The following MAPK10 variants were observed in gnomAD, a reference collection of about 807,000 sequenced individuals.
The protein encoded by MAPK10 is JNK3 alpha protein kinase.
A neutral mutation model predicts 59.3 loss-of-function variants in MAPK10; 25 were observed. That is an observed-to-expected ratio of 0.42 (90% CI 0.31 to 0.59). MAPK10 has a LOEUF of 0.59. Among genes scored for constraint, MAPK10 ranks in the 20% least tolerant of loss-of-function variants. The pLI is 0.15. For synonymous variants in MAPK10, 190 were observed against 200.5 expected, an observed-to-expected ratio of 0.95 and a Z score of 0.44; for missense variants, 351 against 568.9, an observed-to-expected ratio of 0.62 and a Z score of 3.90.
chr4:86,273,315 C>T (rs1024038339), intron 2 of MAPK10, among the ~76,000 whole-genome samples: 2 of 152,004 alleles, frequency 1.3e-5, no homozygotes, highest in South Asian at 2.1e-4. Flanking sequence ...AAAAGCCACA[C>T]CTGTTAGCTA....
chr4:86,559,776 TA>T (rs1760532955), intron 1 of MAPK10, among the ~76,000 whole-genome samples: 1 of 151,856 alleles, frequency 6.6e-6, no homozygotes, highest in South Asian at 2.1e-4. Context: ...CCGTCTCTAC[TA>T]AAAATACAAA....
chr4:86,173,185 A>G (rs1464112708), intron 3 of MAPK10, among the ~76,000 whole-genome samples: 1 of 152,204 alleles, frequency 6.6e-6, no homozygotes, highest in Non-Finnish European at 1.5e-5. Context: ...CAAAGAGAAC[A>G]AAACTGGAGG....
chr4:86,478,811 C>T (rs1422539807), intron 1 of MAPK10, among the ~76,000 whole-genome samples: 1 of 152,160 alleles, frequency 6.6e-6, no homozygotes, highest in African/African-American at 2.4e-5. Context: ...CGCAACACAC[C>T]AGCAAAGGCA....
chr4:86,049,063 T>TTTAC (rs2043039946), intron 11 of MAPK10, among the ~76,000 whole-genome samples: 1 of 152,094 alleles, frequency 6.6e-6, no homozygotes, highest in Non-Finnish European at 1.5e-5. Context: ...GTGTACCACA[T>TTTAC]TTACATATGA....
chr4:86,140,711 A>G (rs2063457939), intron 4 of MAPK10, among the ~76,000 whole-genome samples: 1 of 152,118 alleles, frequency 6.6e-6, no homozygotes. Flanking sequence ...AAGGAAATTT[A>G]TGTATGCATT....
At chr4:86,397,777 A>C (rs1743132019) in intron 1 of MAPK10, among the ~76,000 whole-genome samples, 1 of 151,010 alleles carries the variant, frequency 6.6e-6, no homozygotes, top group African/African-American at 2.4e-5. Context: ...CTGATATCCA[A>C]TGATAAGGAA....
intron 4 of MAPK10, among the ~76,000 whole-genome samples, chr4:86,142,435 T>C (rs1581178105): frequency 6.6e-6 from 1 of 152,192 alleles, no homozygotes; most frequent in Admixed American, 6.5e-5. Context: ...TCATCATTCA[T>C]TCATTCATTC....
chr4:86,074,993 C>G (rs1305181782), intron 9 of MAPK10, among the ~76,000 whole-genome samples: 1 of 146,520 alleles, frequency 6.8e-6, no homozygotes, highest in Non-Finnish European at 1.5e-5. Context: ...GAGTGTTTTC[C>G]AACTTGGTTC....
chr4:86,361,004 C>A (rs1736848752), upstream of MAPK10, among the ~76,000 whole-genome samples: 1 of 152,102 alleles, frequency 6.6e-6, no homozygotes, highest in Non-Finnish European at 1.5e-5. Flanking sequence ...TTTGCTTACA[C>A]TCTTTTGAGG....
At chr4:86,401,592 T>C (rs1472674210) in intron 1 of MAPK10, among the ~76,000 whole-genome samples, 2 of 152,194 alleles carry the variant, frequency 1.3e-5, no homozygotes, top group Non-Finnish European at 2.9e-5. Context: ...TGTTTCTCTT[T>C]TTACTTTGGC....
At chr4:86,059,186 C>G (rs1434263559) in intron 11 of MAPK10, among the ~76,000 whole-genome samples, 1 of 152,084 alleles carries the variant, frequency 6.6e-6, no homozygotes, top group Admixed American at 6.6e-5. Context: ...TGGTAATATC[C>G]AGTAAGATAT....
chr4:86,101,990 C>A lies in MAPK10; in HGVS notation c.468G>T (p.Val156=), dbSNP rs747499050. The change falls in exon 7 of 14, where the codon GTG becomes GTT. Residue 156 remains valine (V), a synonymous_variant. Coordinates refer to ENST00000641462, the MANE Select transcript of MAPK10 (RefSeq NM_138982.4). Reference sequence around the variant, plus strand: ...GCTCATGGTCTAATTCCATCTGAATCACTTGACATAAGTTGGCATCCATCA... The same window carrying A: ...GCTCATGGTCTAATTCCATCTGAATAACTTGACATAAGTTGGCATCCATCA... The part of the protein sequence containing the change: ...MELMDANLCQ[V]IQMELDHERM... 6.2e-7 allele frequency: 1 copy of A among 1,613,860 alleles called. No individual in the cohort carries two copies. The highest frequency in any genetic ancestry group is 8.5e-7 in the Non-Finnish European group (1 of 1,179,836).
chr4:86,111,190 C>T (rs1361048634), intron 4 of MAPK10, among the ~76,000 whole-genome samples: 2 of 152,152 alleles, frequency 1.3e-5, no homozygotes, highest in Non-Finnish European at 2.9e-5. Context: ...ATTTGATTTC[C>T]TCTCTTCTTA....
chr4:86,158,152 AC>A (rs1424284947), intron 4 of MAPK10, among the ~76,000 whole-genome samples: 1 of 151,960 alleles, frequency 6.6e-6, no homozygotes, highest in Non-Finnish European at 1.5e-5. Context: ...AGCCATTTAA[AC>A]ACAAACTTTA....
At chr4:86,580,533 C>T (rs1565073240) in intron 1 of MAPK10, among the ~76,000 whole-genome samples, 1 of 152,038 alleles carries the variant, frequency 6.6e-6, no homozygotes, top group Non-Finnish European at 1.5e-5. Context: ...TCTTAATGTT[C>T]TTACTTTGCC....
chr4:86,338,970 T>C (rs1723240843), intron 2 of MAPK10, among the ~76,000 whole-genome samples: 1 of 67,418 alleles, frequency 1.5e-5, no homozygotes, highest in Admixed American at 1.6e-4. Flanking sequence ...ATTTTGTAGA[T>C]TAAAAAAAAA....
At chr4:86,136,204 G>A (rs1032011959) in intron 4 of MAPK10, among the ~76,000 whole-genome samples, 2 of 152,070 alleles carry the variant, frequency 1.3e-5, no homozygotes, top group Non-Finnish European at 2.9e-5. Flanking sequence ...GATACTCCTC[G>A]AGAAGAGCAA....
intron 2 of MAPK10, among the ~76,000 whole-genome samples, chr4:86,335,377 A>C (rs114577398): frequency 0.012 from 1,755 of 152,344 alleles, 21 homozygotes; most frequent in Non-Finnish European, 0.017. Flanking sequence ...TGTGAAAAAT[A>C]ATTTTTTAAA....
intron 9 of MAPK10, among the ~76,000 whole-genome samples, chr4:86,077,074 A>G (rs557694352): frequency 6.6e-6 from 1 of 152,316 alleles, no homozygotes; most frequent in African/African-American, 2.4e-5. Flanking sequence ...ATCACCTGAT[A>G]TAATTCTAAA....
Sources: gnomAD v4.1 joint callset for allele counts (sites outside exome capture counted in the v4.1 genomes callset) on GRCh38, gnomAD v4.1.1 for gene constraint, MANE v1.5 for transcripts, NCBI Gene and HGNC (gene_info 2026-07-23, HGNC 2026-07-21) for gene names.